The following SPIDR variants were observed in gnomAD, a reference collection of about 807,000 sequenced individuals.
SPIDR encodes DNA repair-scaffolding protein.
In SPIDR, 93 loss-of-function variants were observed where a neutral mutation model predicts 104.6. The ratio of observed to expected loss-of-function variants is 0.89; its 90% confidence interval spans 0.75 to 1.06. The LOEUF (loss-of-function observed/expected upper bound fraction) is 1.06. SPIDR is among the 50% of genes least tolerant of loss of function. The pLI is 0.00. For missense variants in SPIDR, 1,154 were observed against 1,111.2 expected (o/e 1.04, Z -0.55); for synonymous variants, 431 against 416.9 (o/e 1.03, Z -0.41).
At chr8:47,611,629 C>T (rs1252857219) in intron 10 of SPIDR, among the ~76,000 whole-genome samples, 2 of 151,768 alleles carry the variant, frequency 1.3e-5, no homozygotes, top group East Asian at 1.9e-4. Flanking sequence ...ACCCAGGAGG[C>T]GGAGCTTGCA....
intron 5 of SPIDR, among the ~76,000 whole-genome samples, chr8:47,295,662 A>G (rs2040711010): frequency 6.6e-6 from 1 of 152,162 alleles, no homozygotes; most frequent in Admixed American, 6.5e-5. Context: ...ATAGTATTCC[A>G]TTGGTGTATA....
intron 5 of SPIDR, among the ~76,000 whole-genome samples, chr8:47,323,909 TAGTTA>T (rs1563620337): frequency 1.3e-5 from 2 of 152,194 alleles, no homozygotes. Flanking sequence ...TGGAAACTAT[TAGTTA>T]AACATTTATA....
chr8:47,388,807 T>G (rs1229616119), intron 5 of SPIDR, among the ~76,000 whole-genome samples: 4 of 152,216 alleles, frequency 2.6e-5, no homozygotes, highest in Admixed American at 2.0e-4. Flanking sequence ...GCAACAGATG[T>G]GTACTACAGC....
At chr8:47,638,576 C>T (rs2068336149) in intron 10 of SPIDR, among the ~76,000 whole-genome samples, 1 of 152,102 alleles carries the variant, frequency 6.6e-6, no homozygotes, top group African/African-American at 2.4e-5. Flanking sequence ...TTCTATAGCC[C>T]CAGGAAAAGA....
intron 5 of SPIDR, among the ~76,000 whole-genome samples, chr8:47,327,743 AG>A (rs2154266179): frequency 1.3e-5 from 2 of 152,070 alleles, no homozygotes; most frequent in East Asian, 3.9e-4. Context: ...TTGTATTTTT[AG>A]TAGACACGGG....
At chr8:47,647,616 A>AAG (rs369414271) in intron 10 of SPIDR, among the ~76,000 whole-genome samples, 3,422 of 60,486 alleles carry the variant, frequency 0.057, 95 homozygotes, top group Middle Eastern at 0.11. Context: ...TCCATCTCGA[A>AAG]AGAGAGAGAG....
chr8:47,561,262 A>C (rs991099816), intron 8 of SPIDR, among the ~76,000 whole-genome samples: 2 of 152,220 alleles, frequency 1.3e-5, no homozygotes, highest in African/African-American at 4.8e-5. Flanking sequence ...CAGGTAGAAA[A>C]GTATTTCTCA....
intron 7 of SPIDR, among the ~76,000 whole-genome samples, chr8:47,433,715 A>AT (rs2067767512): frequency 1.3e-5 from 2 of 152,202 alleles, no homozygotes; most frequent in Non-Finnish European, 2.9e-5. Context: ...CAGATATTGA[A>AT]TTTTGTTTAT....
intron 7 of SPIDR, among the ~76,000 whole-genome samples, chr8:47,415,484 C>G (rs57274985): frequency 0.018 from 2,749 of 152,186 alleles, 83 homozygotes; most frequent in African/African-American, 0.064. Flanking sequence ...TGTATGCTCC[C>G]AAAATTCATG....
chr8:47,300,994 G>T (rs1203788776), intron 5 of SPIDR, among the ~76,000 whole-genome samples: 1 of 152,162 alleles, frequency 6.6e-6, no homozygotes, highest in Non-Finnish European at 1.5e-5. Context: ...TCAGTGCCTG[G>T]ATATCCTTGT....
At chr8:47,617,895 T>G (rs1313666098) in intron 10 of SPIDR, among the ~76,000 whole-genome samples, 4 of 152,184 alleles carry the variant, frequency 2.6e-5, no homozygotes, top group Non-Finnish European at 4.4e-5. Context: ...GCCACATTGT[T>G]GGTGTTCAGC....
intron 5 of SPIDR, among the ~76,000 whole-genome samples, chr8:47,353,399 C>T (rs1347502107): frequency 1.3e-5 from 2 of 152,264 alleles, no homozygotes; most frequent in East Asian, 1.9e-4. Flanking sequence ...GGGCTTTCCA[C>T]GGAAGTGAGT....
At position 47,555,147 on chromosome 8, in the gene SPIDR, T is replaced by C. The variant is rs78540916; in HGVS notation, c.1098-40664T>C. On this transcript the variant is annotated intron_variant, in intron 8 of 19. Transcript: ENST00000297423. ...TAGCCTTCCTCCCACTCTGTACTTA[T>C]GATCATTATTTGACTTTCCCAAAGG... is the stretch of plus-strand genomic sequence containing the variant. Among the ~76,000 whole-genome samples the C allele has an allele frequency of 4.8e-3, 727 of 152,322 alleles. 5 individuals are homozygous for C. Among genetic ancestry groups the C allele is most frequent in the African/African-American group, 0.017 (688 of 41,574 alleles).
At chr8:47,494,587 A>T (rs1244981528) in intron 8 of SPIDR, among the ~76,000 whole-genome samples, 2 of 152,166 alleles carry the variant, frequency 1.3e-5, no homozygotes, top group Admixed American at 1.3e-4. Flanking sequence ...GATCAGAAAC[A>T]ATACGGCTTA....
At chr8:47,458,810 G>A (rs947886604) in intron 8 of SPIDR, among the ~76,000 whole-genome samples, 2 of 151,978 alleles carry the variant, frequency 1.3e-5, no homozygotes, top group Admixed American at 1.3e-4. Flanking sequence ...TGCTGATTTT[G>A]CTGAGGATTT....
chr8:47,614,195 C>T (rs2063965558), intron 10 of SPIDR, among the ~76,000 whole-genome samples: 2 of 152,000 alleles, frequency 1.3e-5, no homozygotes, highest in South Asian at 4.2e-4. Flanking sequence ...CTGCAAAGGA[C>T]ATGATCTCGT....
intron 5 of SPIDR, among the ~76,000 whole-genome samples, chr8:47,345,796 T>G (rs2051851821): frequency 6.6e-6 from 1 of 152,152 alleles, no homozygotes; most frequent in Non-Finnish European, 1.5e-5. Context: ...ATGCTTGTGA[T>G]TTTTGCACAT....
intron 8 of SPIDR, among the ~76,000 whole-genome samples, chr8:47,554,828 T>C (rs1213101837): frequency 6.6e-6 from 1 of 152,222 alleles, no homozygotes; most frequent in East Asian, 1.9e-4. Context: ...TCTGCGTCAT[T>C]CACGCTTGGA....
chr8:47,319,521 C>T (rs2046098139), intron 5 of SPIDR, among the ~76,000 whole-genome samples: 1 of 152,146 alleles, frequency 6.6e-6, no homozygotes, highest in East Asian at 1.9e-4. Flanking sequence ...CCACTATCAA[C>T]ATTAGACAGA....
Sources: allele counts gnomAD v4.1 joint callset (sites outside exome capture counted in the v4.1 genomes callset), GRCh38; gene constraint gnomAD v4.1.1; transcripts MANE v1.5; gene names NCBI Gene and HGNC (gene_info 2026-07-23, HGNC 2026-07-21).